Variants in CLASP1 observed in about 807,000 individuals in gnomAD.
CLASP1 encodes CLIP-associating protein 1.
A neutral mutation model predicts 192.3 loss-of-function variants in CLASP1; 38 were observed. The observed-to-expected ratio is 0.20, with a 90% CI of 0.15 to 0.26. The LOEUF is 0.26. Among genes scored for constraint, CLASP1 ranks in the 10% least tolerant of loss-of-function variants. The probability of loss-of-function intolerance (pLI) is 1.00; values close to 1 mark genes in which losing one functional copy is unlikely to be tolerated. For synonymous variants in CLASP1, 691 were observed against 712.8 expected, an observed-to-expected ratio of 0.97 and a Z score of 0.49; for missense variants, 1,433 against 1,932.5, an observed-to-expected ratio of 0.74 and a Z score of 4.85.
chr2:121,538,242 C>T (rs1238073500), intron 2 of CLASP1, among the ~76,000 whole-genome samples: 2 of 112,012 alleles, frequency 1.8e-5, no homozygotes, highest in African/African-American at 5.2e-5. Flanking sequence ...GGAGAAACCC[C>T]GTCTCTAATC....
At chr2:121,398,348 C>A in exon 29 of CLASP1, 1 of 1,599,504 alleles carries the variant, frequency 6.3e-7, no homozygotes, top group East Asian at 2.2e-5. Flanking sequence ...TGAGTTTGAT[C>A]CACAATAAAT....
chr2:121,605,613 T>C (rs1358526372), intron 2 of CLASP1, 88 bp downstream of exon 2: 1 of 883,724 alleles, frequency 1.1e-6, no homozygotes, highest in Non-Finnish European at 1.8e-6. Context: ...GCATGCTGAC[T>C]GCTCACAAGG....
At chr2:121,498,838 C>T (rs1259328946) in intron 8 of CLASP1, among the ~76,000 whole-genome samples, 1 of 152,184 alleles carries the variant, frequency 6.6e-6, no homozygotes, top group Non-Finnish European at 1.5e-5. Flanking sequence ...CATTACTCAT[C>T]AAGGTAAAGC....
intron 34 of CLASP1, among the ~76,000 whole-genome samples, chr2:121,370,348 G>C (rs1372949503): frequency 3.9e-5 from 6 of 152,058 alleles, no homozygotes; most frequent in Non-Finnish European, 8.8e-5. Context: ...TTTTGAGACA[G>C]AGTTTCACTC....
chr2:121,514,673 G>A (rs909608702), intron 7 of CLASP1, among the ~76,000 whole-genome samples: 3 of 152,280 alleles, frequency 2.0e-5, no homozygotes, highest in South Asian at 2.1e-4. Flanking sequence ...TTGTCTGCCC[G>A]TGGAGCCACC....
intron 8 of CLASP1, among the ~76,000 whole-genome samples, chr2:121,481,354 A>G (rs2092585462): frequency 6.6e-6 from 1 of 152,224 alleles, no homozygotes; most frequent in South Asian, 2.1e-4. Flanking sequence ...TTATTGAGAC[A>G]TGGAGGTTAA....
chr2:121,629,785 CCAT>C, intron 1 of CLASP1, among the ~76,000 whole-genome samples: 1 of 151,880 alleles, frequency 6.6e-6, no homozygotes, highest in African/African-American at 2.4e-5. Context: ...GAGCGAAACT[CCAT>C]CTCAAAAAAA....
At chr2:121,368,431 CT>C (rs1273954545) in intron 34 of CLASP1, among the ~76,000 whole-genome samples, 1 of 152,108 alleles carries the variant, frequency 6.6e-6, no homozygotes, top group Non-Finnish European at 1.5e-5. Flanking sequence ...AAGAACAGGA[CT>C]TTAGTATTTC....
chr2:121,485,764 G>A (rs568395029), intron 8 of CLASP1, among the ~76,000 whole-genome samples: 1 of 152,144 alleles, frequency 6.6e-6, no homozygotes. Context: ...AGCTACTACA[G>A]GCATGGTCCA....
intron 2 of CLASP1, among the ~76,000 whole-genome samples, chr2:121,569,639 GAT>G: frequency 6.6e-6 from 1 of 151,638 alleles, no homozygotes; most frequent in African/African-American, 2.4e-5. Flanking sequence ...AATCACCTGA[GAT>G]CAGGAGTTTG....
chr2:121,483,430 G>GAGAA (rs2092740923), intron 8 of CLASP1, among the ~76,000 whole-genome samples: 1 of 152,084 alleles, frequency 6.6e-6, no homozygotes, highest in Non-Finnish European at 1.5e-5. Flanking sequence ...GAGAGAGAGA[G>GAGAA]AGAAAGAGGG....
At chr2:121,589,131 CCCAGTGCTGTCT>C (rs1242105291) in intron 2 of CLASP1, among the ~76,000 whole-genome samples, 1 of 152,182 alleles carries the variant, frequency 6.6e-6, no homozygotes, top group Non-Finnish European at 1.5e-5. Flanking sequence ...CCACCAAGTC[CCCAGTGCTGTCT>C]CCAGAGTGAT....
At chr2:121,432,953 G>A (rs2081682702) in intron 19 of CLASP1, among the ~76,000 whole-genome samples, 1 of 152,152 alleles carries the variant, frequency 6.6e-6, no homozygotes, top group African/African-American at 2.4e-5. Flanking sequence ...AGCAGTGAGG[G>A]TAAGCACTGT....
chr2:121,610,631 A>ACGAGTT (rs2065195580), intron 1 of CLASP1, among the ~76,000 whole-genome samples: 1 of 148,312 alleles, frequency 6.7e-6, no homozygotes. Context: ...CTGGAGGAGG[A>ACGAGTT]GGAGGAGTTA....
chr2:121,561,872 G>A (rs761860582), intron 2 of CLASP1, among the ~76,000 whole-genome samples: 7 of 152,160 alleles, frequency 4.6e-5, no homozygotes, highest in Non-Finnish European at 8.8e-5. Flanking sequence ...CCTTTGAGTG[G>A]CTTATCTACA....
intron 8 of CLASP1, among the ~76,000 whole-genome samples, chr2:121,500,380 G>GAA (rs1407360315): frequency 9.2e-6 from 1 of 109,124 alleles, no homozygotes; most frequent in Non-Finnish European, 1.9e-5. Flanking sequence ...AAGAAAGAAA[G>GAA]AAAGAAAGAA....
At chr2:121,612,833 T>C (rs1011440598) in intron 1 of CLASP1, among the ~76,000 whole-genome samples, 2 of 152,244 alleles carry the variant, frequency 1.3e-5, no homozygotes, top group African/African-American at 4.8e-5. Flanking sequence ...GATTATGAAC[T>C]ACTGTTTACA....
intron 8 of CLASP1, among the ~76,000 whole-genome samples, chr2:121,472,982 T>C (rs778406803): frequency 1.3e-5 from 2 of 152,202 alleles, no homozygotes; most frequent in Non-Finnish European, 2.9e-5. Flanking sequence ...AAGCATGATA[T>C]TCCTAAAAGA....
chr2:121,541,739 G>T (rs998842243), intron 2 of CLASP1, among the ~76,000 whole-genome samples: 10 of 152,162 alleles, frequency 6.6e-5, no homozygotes, highest in Non-Finnish European at 1.3e-4. Flanking sequence ...CATGGCAGCT[G>T]CTCCATCTCC....
Sources: allele counts gnomAD v4.1 joint callset (sites outside exome capture counted in the v4.1 genomes callset), GRCh38; gene constraint gnomAD v4.1.1; transcripts MANE v1.5; gene names NCBI Gene and HGNC (gene_info 2026-07-23, HGNC 2026-07-21).